LDB2: variants seen among roughly 807,000 people sequenced by gnomAD.
LDB2 encodes LIM domain binding 2.
In LDB2, 12 loss-of-function variants were observed where a neutral mutation model predicts 44.3. The observed-to-expected ratio is 0.27, with a 90% CI of 0.17 to 0.44. The LOEUF is 0.44. Ranked by LOEUF, LDB2 falls within the 20% of genes least tolerant of loss-of-function variation. The probability of loss-of-function intolerance (pLI) is 1.00; values close to 1 mark genes in which losing one functional copy is unlikely to be tolerated. For synonymous variants in LDB2, 164 were observed against 174.8 expected (o/e 0.94, Z 0.49); for missense variants, 344 against 473.5 (o/e 0.73, Z 2.54).
At chr4:16,624,812 T>C (rs1310487681) in intron 2 of LDB2, among the ~76,000 whole-genome samples, 1 of 152,214 alleles carries the variant, frequency 6.6e-6, no homozygotes, top group Non-Finnish European at 1.5e-5. Context: ...ATTTTATGAA[T>C]AAAGGCTAAA....
At chr4:16,660,596 C>T (rs185411344) in intron 2 of LDB2, among the ~76,000 whole-genome samples, 1 of 152,284 alleles carries the variant, frequency 6.6e-6, no homozygotes, top group East Asian at 1.9e-4. Context: ...ATGCCAGGCA[C>T]CTTGCTAGGT....
At chr4:16,755,619 A>G (rs1382007998) in intron 2 of LDB2, among the ~76,000 whole-genome samples, 2 of 151,862 alleles carry the variant, frequency 1.3e-5, no homozygotes, top group Non-Finnish European at 2.9e-5. Flanking sequence ...CCTGTGGGGC[A>G]CCCACCTAAC....
intron 1 of LDB2, among the ~76,000 whole-genome samples, chr4:16,871,755 G>A (rs1200884598): frequency 6.6e-6 from 1 of 151,104 alleles, no homozygotes; most frequent in African/African-American, 2.5e-5. Context: ...CAAGTACCTG[G>A]GATCACAGGC....
chr4:16,552,506 G>A (rs1415239133), intron 5 of LDB2, among the ~76,000 whole-genome samples: 1 of 151,912 alleles, frequency 6.6e-6, no homozygotes, highest in Non-Finnish European at 1.5e-5. Context: ...TAAAACAAAG[G>A]CTACCATAGG....
chr4:16,561,572 T>G (rs1742286039), intron 5 of LDB2, among the ~76,000 whole-genome samples: 1 of 151,942 alleles, frequency 6.6e-6, no homozygotes, highest in African/African-American at 2.4e-5. Context: ...TAAAAGAGGA[T>G]ACAAACAAAT....
intron 1 of LDB2, among the ~76,000 whole-genome samples, chr4:16,817,727 T>G (rs183613210): frequency 6.6e-6 from 1 of 152,288 alleles, no homozygotes; most frequent in African/African-American, 2.4e-5. Flanking sequence ...TCATATAAGG[T>G]GGGTATAATA....
intron 5 of LDB2, among the ~76,000 whole-genome samples, chr4:16,514,297 T>G (rs1722851516): frequency 6.6e-6 from 1 of 152,240 alleles, no homozygotes; most frequent in Non-Finnish European, 1.5e-5. Flanking sequence ...GGAGTGACCC[T>G]TATAATAGGT....
At chr4:16,708,052 A>G (rs1754999692) in intron 2 of LDB2, among the ~76,000 whole-genome samples, 1 of 152,164 alleles carries the variant, frequency 6.6e-6, no homozygotes, top group African/African-American at 2.4e-5. Context: ...TAACAAAGTG[A>G]GTTTTATCTA....
At chr4:16,734,099 C>T (rs1029643489) in intron 2 of LDB2, among the ~76,000 whole-genome samples, 1 of 152,124 alleles carries the variant, frequency 6.6e-6, no homozygotes, top group East Asian at 1.9e-4. Flanking sequence ...TGATACTCAC[C>T]TTTTAAAGTT....
At chr4:16,885,106 G>A (rs1317967656) in intron 1 of LDB2, among the ~76,000 whole-genome samples, 1 of 142,350 alleles carries the variant, frequency 7.0e-6, no homozygotes, top group Non-Finnish European at 1.5e-5. Context: ...GATCACTCAA[G>A]CTCAGGAGTT....
intron 1 of LDB2, among the ~76,000 whole-genome samples, chr4:16,763,445 C>CACACACACACACACAA (rs1554007974): frequency 6.7e-6 from 1 of 148,366 alleles, no homozygotes; most frequent in Non-Finnish European, 1.5e-5. Context: ...CACGTACACA[C>CACACACACACACACAA]ACACACACAC....
chr4:16,565,046 TA>T (rs1743996234), intron 5 of LDB2, among the ~76,000 whole-genome samples: 1 of 152,200 alleles, frequency 6.6e-6, no homozygotes, highest in Non-Finnish European at 1.5e-5. Flanking sequence ...TGTGGCCCAG[TA>T]AAAGGAGTGG....
intron 2 of LDB2, among the ~76,000 whole-genome samples, chr4:16,731,479 C>A (rs750288244): frequency 3.9e-5 from 6 of 152,124 alleles, no homozygotes; most frequent in Admixed American, 6.5e-5. Context: ...GGGACCCAGA[C>A]AGCATGCACG....
At chr4:16,639,460 AATTATT>A (rs377611859) in intron 2 of LDB2, among the ~76,000 whole-genome samples, 2 of 151,998 alleles carry the variant, frequency 1.3e-5, no homozygotes, top group East Asian at 1.9e-4. Context: ...AAACCAAAAG[AATTATT>A]ATTATTATTA....
chr4:16,819,460 G>GAAAAAAAA (rs369605183), intron 1 of LDB2, among the ~76,000 whole-genome samples: 1 of 93,454 alleles, frequency 1.1e-5, no homozygotes, highest in African/African-American at 4.2e-5. Flanking sequence ...CTGCACTCAG[G>GAAAAAAAA]AAAAAAAAAA....
At chr4:16,647,095 G>A (rs895239068) in intron 2 of LDB2, among the ~76,000 whole-genome samples, 3 of 152,154 alleles carry the variant, frequency 2.0e-5, no homozygotes, top group Non-Finnish European at 4.4e-5. Flanking sequence ...AACGAAATTT[G>A]TCACATCCAT....
At chr4:16,547,428 AC>A (rs1240932143) in intron 5 of LDB2, among the ~76,000 whole-genome samples, 3 of 152,096 alleles carry the variant, frequency 2.0e-5, no homozygotes, top group African/African-American at 7.2e-5. Context: ...GGATATATTC[AC>A]CCAAATGAGA....
At chr4:16,884,287 C>T (rs1465753225) in intron 1 of LDB2, among the ~76,000 whole-genome samples, 2 of 152,184 alleles carry the variant, frequency 1.3e-5, no homozygotes, top group African/African-American at 2.4e-5. Flanking sequence ...CTCTGTGAGG[C>T]GGGGACTACT....
intron 5 of LDB2, among the ~76,000 whole-genome samples, chr4:16,536,790 G>C (rs952556705): frequency 6.6e-6 from 1 of 152,202 alleles, no homozygotes; most frequent in Admixed American, 6.5e-5. Flanking sequence ...CTAGAAGGAT[G>C]AGCACAGGTT....
Sources: gnomAD v4.1 joint callset for allele counts (sites outside exome capture counted in the v4.1 genomes callset) on GRCh38, gnomAD v4.1.1 for gene constraint, MANE v1.5 for transcripts, NCBI Gene and HGNC (gene_info 2026-07-23, HGNC 2026-07-21) for gene names.